Variants in CHIC1 observed in about 807,000 individuals in gnomAD.
The protein encoded by CHIC1 is cysteine rich hydrophobic domain 1, also known as cysteine-rich hydrophobic domain-containing protein 1.
CHIC1 carries 7 observed loss-of-function variants against 18.5 expected under a neutral mutation model. That is an observed-to-expected ratio of 0.38 (90% CI 0.22 to 0.71). CHIC1 has a LOEUF of 0.71. Ranked by LOEUF, CHIC1 falls within the 30% of genes least tolerant of loss-of-function variation. The pLI, the probability that CHIC1 is intolerant of heterozygous loss-of-function variation, is 0.49. For synonymous variants in CHIC1, 77 were observed against 73.5 expected (o/e 1.05, Z -0.25); for missense variants, 159 against 176.9 (o/e 0.90, Z 0.57).
chrX:73,675,346 T>C (rs2058056177), intron 3 of CHIC1, among the ~76,000 whole-genome samples: 1 of 111,616 alleles, frequency 9.0e-6, no homozygotes, highest in African/African-American at 3.3e-5. Context: ...AAGTCTCCCA[T>C]TATTATTGTC....
chrX:73,677,467 A>C (rs1391313398), intron 3 of CHIC1, among the ~76,000 whole-genome samples: 1 of 111,248 alleles, frequency 9.0e-6, no homozygotes, highest in Non-Finnish European at 1.9e-5. Context: ...CCTCACTGCC[A>C]CCTTACAGTT....
chrX:73,564,688 A>T (rs1416792363), intron 1 of CHIC1, among the ~76,000 whole-genome samples: 1 of 110,309 alleles, frequency 9.1e-6, no homozygotes, highest in African/African-American at 3.3e-5. Flanking sequence ...TCTGGTTTTG[A>T]TAATGGCTCA....
chrX:73,581,503 G>A (rs964562570), intron 2 of CHIC1, among the ~76,000 whole-genome samples: 1 of 110,645 alleles, frequency 9.0e-6, no homozygotes, highest in Non-Finnish European at 1.9e-5. Flanking sequence ...TTTCTTTCAC[G>A]TTGTTTAAAA....
intron 3 of CHIC1, among the ~76,000 whole-genome samples, chrX:73,591,027 C>T (rs375184963): frequency 5.4e-5 from 6 of 111,287 alleles, no homozygotes; most frequent in Admixed American, 2.9e-4. Flanking sequence ...CTTGCAAAGT[C>T]GCTGTGCCAT....
rs1200329633 is a variant in CHIC1 at position 73,563,394 on chromosome X, C to CGGT, written c.111_113dup (p.Val38dup). On this transcript the variant is annotated inframe_insertion, in exon 1 of 6. Transcript: ENST00000373502. Reference sequence around the variant, plus strand: ...TCGTCGTCGCCGTCGTCGTCGTCGTCGGTATCTGGGCCCGACGATGACGAG... The same window carrying CGGT: ...TCGTCGTCGCCGTCGTCGTCGTCGTCGGTGGTATCTGGGCCCGACGATGACGAG... 1 of 1,156,874 alleles carries CGGT rather than the reference C, an allele frequency of 8.6e-7. No individual in the cohort carries two copies. Among genetic ancestry groups the CGGT allele is most frequent in the Non-Finnish European group, 1.2e-6 (1 of 867,477 alleles).
chrX:73,676,905 T>C (rs1767980869), intron 3 of CHIC1, among the ~76,000 whole-genome samples: 1 of 111,067 alleles, frequency 9.0e-6, no homozygotes, highest in African/African-American at 3.3e-5. Flanking sequence ...TACAGATGGG[T>C]TTTTGGTGTG....
chrX:73,577,087 C>T (rs1010151912), intron 1 of CHIC1, among the ~76,000 whole-genome samples: 1 of 110,345 alleles, frequency 9.1e-6, no homozygotes, highest in Admixed American at 9.6e-5. Flanking sequence ...TAGGTTTTAA[C>T]GGAAACATCT....
intron 3 of CHIC1, among the ~76,000 whole-genome samples, chrX:73,654,395 T>C (rs970652948): frequency 3.6e-5 from 4 of 112,153 alleles, no homozygotes; most frequent in African/African-American, 1.3e-4. Flanking sequence ...CACTTGATCA[T>C]GGTATTTATC....
chrX:73,592,093 C>G (rs754415622), intron 3 of CHIC1, among the ~76,000 whole-genome samples: 6 of 110,791 alleles, frequency 5.4e-5, no homozygotes, highest in Admixed American at 9.7e-5. Flanking sequence ...GTTCAAGGAG[C>G]CTTTTGGCAG....
intron 3 of CHIC1, among the ~76,000 whole-genome samples, chrX:73,673,187 C>T (rs1048343746): frequency 8.9e-6 from 1 of 111,769 alleles, no homozygotes; most frequent in Admixed American, 9.5e-5. Flanking sequence ...AGCATGATGC[C>T]TCCAGCTTTG....
chrX:73,654,930 T>G (rs1471439411), intron 3 of CHIC1, among the ~76,000 whole-genome samples: 1 of 111,342 alleles, frequency 9.0e-6, no homozygotes, highest in Non-Finnish European at 1.9e-5. Context: ...CAAAGGTACA[T>G]GTGGCAAATA....
chrX:73,619,358 A>C lies in CHIC1; in HGVS notation c.507+34786A>C, dbSNP rs186751801. Among the ~76,000 whole-genome samples, 8 of 109,937 alleles carry C rather than the reference A, an allele frequency of 7.3e-5. No individual in the cohort carries two copies. The East Asian group carries it at 2.0e-3, about 28-fold the overall frequency. On this transcript the variant is annotated intron_variant, in intron 3 of 5. Transcript: ENST00000373502. ...TTTCTTTCCTCTCCCCAGCCACTCT[A>C]TTTCTTTTCACTGGAGAGTTTAATC...
chrX:73,673,962 T>G (rs916656124), intron 3 of CHIC1, among the ~76,000 whole-genome samples: 2 of 111,825 alleles, frequency 1.8e-5, no homozygotes, highest in Non-Finnish European at 3.8e-5. Context: ...GCATGAAGGG[T>G]TGTTGAATTT....
chrX:73,635,731 G>C (rs2057828697), intron 3 of CHIC1, among the ~76,000 whole-genome samples: 1 of 111,086 alleles, frequency 9.0e-6, no homozygotes, highest in Non-Finnish European at 1.9e-5. Context: ...TGATTTTATT[G>C]AGTCTTCTCT....
intron 3 of CHIC1, among the ~76,000 whole-genome samples, chrX:73,674,488 C>A (rs184350045): frequency 7.3e-4 from 82 of 112,006 alleles, no homozygotes; most frequent in Middle Eastern, 9.2e-3. Flanking sequence ...AGGAATTTAT[C>A]CCTTTCTTCT....
intron 3 of CHIC1, among the ~76,000 whole-genome samples, chrX:73,664,813 T>C (rs759459503): frequency 1.8e-5 from 2 of 111,187 alleles, no homozygotes; most frequent in South Asian, 7.8e-4. Flanking sequence ...GCCTGGCCAC[T>C]TGATTCTGGT....
At chrX:73,596,755 T>G (rs2057610944) in intron 3 of CHIC1, among the ~76,000 whole-genome samples, 2 of 110,733 alleles carry the variant, frequency 1.8e-5, no homozygotes, top group Non-Finnish European at 3.8e-5. Flanking sequence ...TTTGACAAAC[T>G]TGCCAAAAAC....
At chrX:73,588,397 T>C (rs2057563725) in intron 3 of CHIC1, among the ~76,000 whole-genome samples, 1 of 111,234 alleles carries the variant, frequency 9.0e-6, no homozygotes, top group African/African-American at 3.2e-5. Flanking sequence ...ATAATGTTTT[T>C]TGTGGAAAAA....
At chrX:73,666,444 G>A (rs2058004836) in intron 3 of CHIC1, among the ~76,000 whole-genome samples, 1 of 112,007 alleles carries the variant, frequency 8.9e-6, no homozygotes, top group African/African-American at 3.2e-5. Context: ...TGTAGGCTGG[G>A]AGGCTAGGCC....
Sources: gnomAD v4.1 joint callset for allele counts (sites outside exome capture counted in the v4.1 genomes callset) on GRCh38, gnomAD v4.1.1 for gene constraint, MANE v1.5 for transcripts, NCBI Gene and HGNC (gene_info 2026-07-23, HGNC 2026-07-21) for gene names.